The following PRH1 variants were observed in gnomAD, a reference collection of about 807,000 sequenced individuals.
PRH1 encodes the protein salivary acidic proline-rich phosphoprotein 1/2.
A neutral mutation model predicts 7.9 loss-of-function variants in PRH1; 7 were observed. That is an observed-to-expected ratio of 0.89 (90% CI 0.50 to 1.67). The LOEUF (loss-of-function observed/expected upper bound fraction) is 1.67, where lower values mean the gene tolerates loss of function less well. Ranked by LOEUF, PRH1 falls within the 40% of genes most tolerant of loss-of-function variation. The pLI is 0.00. For missense variants in PRH1, 109 were observed against 223.6 expected (o/e 0.49, Z 3.27); for synonymous variants, 45 against 80.8 (o/e 0.56, Z 2.38).
chr12:10,971,259 A>G (rs1261281776), intron 2 of PRH1, among the ~76,000 whole-genome samples: 1 of 152,214 alleles, frequency 6.6e-6, no homozygotes, highest in Non-Finnish European at 1.5e-5. Flanking sequence ...GAGTTTTGTC[A>G]CCAATGTAAT....
At chr12:10,962,793 G>C (rs573988118) in intron 2 of PRH1, among the ~76,000 whole-genome samples, 16 of 152,154 alleles carry the variant, frequency 1.1e-4, no homozygotes, top group Non-Finnish European at 2.1e-4. Context: ...TTTTTGAGAC[G>C]GAGTCTCGCT....
intron 1 of PRH1, among the ~76,000 whole-genome samples, chr12:11,110,098 T>C (rs189847633): frequency 4.0e-4 from 61 of 152,056 alleles, no homozygotes; most frequent in Non-Finnish European, 6.8e-4. Flanking sequence ...AATGAAATAA[T>C]GCATGAAGAT....
chr12:11,011,122 A>C (rs953366586), intron 1 of PRH1, among the ~76,000 whole-genome samples: 2 of 152,104 alleles, frequency 1.3e-5, no homozygotes, highest in African/African-American at 4.8e-5. Context: ...CCACAGGAAA[A>C]AATAAATTCT....
At chr12:10,968,068 G>A (rs4763601) in intron 2 of PRH1, among the ~76,000 whole-genome samples, 74,379 of 151,952 alleles carry the variant, frequency 0.49, 20,734 homozygotes, top group East Asian at 0.74. Flanking sequence ...GCTAGAGAGC[G>A]AGACTCCGTC....
At chr12:10,894,322 G>A (rs377490780) in intron 2 of PRH1, among the ~76,000 whole-genome samples, 3 of 152,208 alleles carry the variant, frequency 2.0e-5, no homozygotes, top group East Asian at 1.9e-4. Context: ...ATTTTTGATG[G>A]TCAAAGTTGC....
chr12:11,153,848 G>C (rs1947175886), intron 1 of PRH1, among the ~76,000 whole-genome samples: 1 of 151,910 alleles, frequency 6.6e-6, no homozygotes, highest in Non-Finnish European at 1.5e-5. Context: ...TCTTATGAAT[G>C]GGTAGATATA....
chr12:10,963,097 T>C (rs1165402714), intron 2 of PRH1, among the ~76,000 whole-genome samples: 1 of 151,642 alleles, frequency 6.6e-6, no homozygotes, highest in East Asian at 1.9e-4. Context: ...GGTGCTTACG[T>C]TGTACCAGGA....
intron 1 of PRH1, chr12:11,133,136 C>CAT (rs1249446363): frequency 4.8e-5 from 47 of 977,386 alleles, no homozygotes; most frequent in Non-Finnish European, 6.3e-5. Flanking sequence ...CACACACACA[C>CAT]ACACACATCT....
At chr12:11,130,725 C>G (rs540837752) in intron 1 of PRH1, among the ~76,000 whole-genome samples, 4 of 152,138 alleles carry the variant, frequency 2.6e-5, no homozygotes, top group Non-Finnish European at 5.9e-5. Context: ...AAGACCATTC[C>G]CTCTTCAGCA....
chr12:11,040,269 G>A (rs2136123383), intron 1 of PRH1, among the ~76,000 whole-genome samples: 1 of 152,290 alleles, frequency 6.6e-6, no homozygotes, highest in South Asian at 2.1e-4. Context: ...AAGTATAATT[G>A]TTTCTAAGAG....
intron 2 of PRH1, among the ~76,000 whole-genome samples, chr12:10,954,491 AG>A (rs1178966742): frequency 2.0e-5 from 3 of 148,068 alleles, no homozygotes; most frequent in Non-Finnish European, 4.5e-5. Flanking sequence ...GTTTTGAGTC[AG>A]GGTCTCACTC....
rs182446087 is a variant in PRH1, at chr12:11,019,681, T to A, written c.-126+27339A>T. On this transcript the variant is annotated intron_variant, in intron 1 of 3. Transcript: ENST00000539853. ...ATATATCATTCATAGTAGAAAGTGA[T>A]TAGGTACATTTCCAACCAACTTAAT... 7.9e-5 allele frequency among the ~76,000 whole-genome samples: 12 copies of A among 152,410 alleles called. No individual in the cohort carries two copies. In the East Asian group the frequency reaches 2.1e-3, roughly 27 times the overall value.
rs866125203 is a variant in PRH1 at position 11,150,940 on chromosome 12, A to G, written n.39+20482T>C. 3.9e-5 allele frequency among the ~76,000 whole-genome samples: 6 copies of G among 152,278 alleles called. 1 individual carries two copies. The South Asian group carries it at 8.3e-4, about 21-fold the overall frequency. ...CATTGGTTTGTTTTGTTTTTTGCCA[A>G]CTGTGTTCTTAAAGATGTCAGAGAG... On this transcript the variant is annotated intron_variant and non_coding_transcript_variant, in intron 1 of 1. Coordinates refer to the PRH1 transcript ENST00000541175.
At chr12:10,993,534 G>A (rs1940047875) in intron 1 of PRH1, among the ~76,000 whole-genome samples, 1 of 152,142 alleles carries the variant, frequency 6.6e-6, no homozygotes, top group Admixed American at 6.5e-5. Context: ...AGTGCTCCTA[G>A]TCCACATGCT....
intron 1 of PRH1, chr12:11,133,646 C>T (rs1418423888): frequency 1.9e-6 from 3 of 1,614,142 alleles, no homozygotes; most frequent in African/African-American, 2.7e-5. Flanking sequence ...ACACAGAGAA[C>T]AGATTAACAG....
chr12:11,145,034 T>C (rs1053761129), intron 1 of PRH1, among the ~76,000 whole-genome samples: 1 of 152,194 alleles, frequency 6.6e-6, no homozygotes, highest in African/African-American at 2.4e-5. Flanking sequence ...AGTGGATTTG[T>C]AGCTAAAATT....
intron 1 of PRH1, among the ~76,000 whole-genome samples, chr12:11,158,412 T>G (rs1176652518): frequency 6.6e-6 from 1 of 152,158 alleles, no homozygotes; most frequent in East Asian, 1.9e-4. Flanking sequence ...ACTGTATTTA[T>G]AATTTTTTGT....
At chr12:11,103,559 G>A (rs1199622513) in intron 1 of PRH1, among the ~76,000 whole-genome samples, 4 of 151,698 alleles carry the variant, frequency 2.6e-5, no homozygotes, top group Non-Finnish European at 5.9e-5. Context: ...GGAGGAGGGA[G>A]GGATAGCATT....
chr12:10,883,469 C>A (rs1020290491), intron 1 of PRH1, among the ~76,000 whole-genome samples: 2 of 152,024 alleles, frequency 1.3e-5, no homozygotes, highest in African/African-American at 2.4e-5. Flanking sequence ...GCCTGTAAAC[C>A]CTTAGCGCTT....
Sources: allele counts gnomAD v4.1 joint callset (sites outside exome capture counted in the v4.1 genomes callset), GRCh38; gene constraint gnomAD v4.1.1; transcripts MANE v1.5; gene names NCBI Gene and HGNC (gene_info 2026-07-23, HGNC 2026-07-21).